The following DISC1 variants were observed in gnomAD, a reference collection of about 807,000 sequenced individuals.
DISC1 encodes DISC1 scaffold protein.
DISC1 carries 57 observed loss-of-function variants against 84.5 expected under a neutral mutation model. That is an observed-to-expected ratio of 0.67 (90% confidence interval 0.55 to 0.84). The LOEUF is 0.84. DISC1 is among the 40% of genes least tolerant of loss of function. The pLI is 0.00. For missense variants in DISC1, 1,000 were observed against 1,057.8 expected (o/e 0.95, Z 0.76); for synonymous variants, 411 against 415.2 (o/e 0.99, Z 0.12).
chr1:231,896,452 AAAAG>A (rs1399096384), intron 9 of DISC1, among the ~76,000 whole-genome samples: 1 of 152,208 alleles, frequency 6.6e-6, no homozygotes, highest in Non-Finnish European at 1.5e-5. Flanking sequence ...ACACTTTTGA[AAAAG>A]AAACATATCA....
chr1:231,716,923 A>G (rs924547834), intron 3 of DISC1, among the ~76,000 whole-genome samples: 5 of 152,222 alleles, frequency 3.3e-5, no homozygotes, highest in Non-Finnish European at 1.5e-5. Flanking sequence ...TGGGCACTTA[A>G]TTAAATCTTG....
intron 9 of DISC1, among the ~76,000 whole-genome samples, chr1:231,832,655 T>G (rs568238599): frequency 0.01 from 1,494 of 148,466 alleles, 27 homozygotes; most frequent in African/African-American, 0.035. Flanking sequence ...GAGGCTGGGA[T>G]GAAGGGTGCA....
At chr1:231,811,526 C>A (rs527378408) in intron 8 of DISC1, among the ~76,000 whole-genome samples, 16 of 152,162 alleles carry the variant, frequency 1.1e-4, no homozygotes, top group African/African-American at 3.9e-4. Flanking sequence ...GGCTTTATTT[C>A]TTTTTTTCCA....
chr1:231,864,269 A>G (rs1225611900), intron 9 of DISC1, among the ~76,000 whole-genome samples: 1 of 152,154 alleles, frequency 6.6e-6, no homozygotes, highest in Non-Finnish European at 1.5e-5. Flanking sequence ...AGGCTTCCCT[A>G]TATGTCGTCT....
chr1:231,735,888 C>G lies in DISC1; in HGVS notation c.1118-14038C>G, dbSNP rs576467570. 7.2e-5 allele frequency among the ~76,000 whole-genome samples: 11 copies of G among 152,308 alleles called. No individual in the cohort carries two copies. The South Asian group carries it at 2.3e-3, about 32-fold the overall frequency. On this transcript the variant is annotated intron_variant, in intron 3 of 12. Coordinates refer to ENST00000439617, the MANE Select transcript of DISC1 (RefSeq NM_018662.3). ...AGTGCAGTGATGTGATATCGGCTCA[C>G]TGCAACCTCTGCCTCCTGGGCTCAA...
intron 9 of DISC1, among the ~76,000 whole-genome samples, chr1:231,948,490 GA>G (rs1478536490): frequency 2.6e-5 from 4 of 152,074 alleles, no homozygotes; most frequent in African/African-American, 4.8e-5. Context: ...AGCTTTTGGA[GA>G]AATATCTGAT....
chr1:231,800,103 C>T lies in DISC1; in HGVS notation c.1690-5C>T, dbSNP rs769961798. ...GATGATTCCTGGTCATTTCTCTCCC[C>T]CTAGGTGTGTATGAGTGAGAAATTC... On this transcript the variant is annotated splice_polypyrimidine_tract_variant and splice_region_variant and intron_variant, in intron 7 of 12. Transcript: ENST00000439617. 3.3e-5 allele frequency: 53 copies of T among 1,604,146 alleles called. No homozygotes were observed. The highest frequency in any genetic ancestry group is 4.3e-5 in the Non-Finnish European group (50 of 1,173,628).
chr1:231,906,843 T>A (rs1274090203), intron 9 of DISC1, among the ~76,000 whole-genome samples: 1 of 151,830 alleles, frequency 6.6e-6, no homozygotes, highest in Non-Finnish European at 1.5e-5. Flanking sequence ...AAAAAAAAAA[T>A]TAAGGGGCTT....
intron 9 of DISC1, among the ~76,000 whole-genome samples, chr1:231,856,631 C>T (rs942863511): frequency 7.9e-5 from 12 of 152,200 alleles, no homozygotes; most frequent in African/African-American, 2.9e-4. Flanking sequence ...GCCCAGGGAG[C>T]TTGCCTGCCC....
chr1:231,853,949 C>A (rs1281335267), intron 9 of DISC1, among the ~76,000 whole-genome samples: 1 of 152,186 alleles, frequency 6.6e-6, no homozygotes, highest in Non-Finnish European at 1.5e-5. Flanking sequence ...GCTAAACTGA[C>A]AATAATAATC....
At chr1:231,886,267 T>C (rs201606855) in intron 9 of DISC1, among the ~76,000 whole-genome samples, 3 of 152,234 alleles carry the variant, frequency 2.0e-5, no homozygotes, top group Non-Finnish European at 4.4e-5. Context: ...CAATGAGTAA[T>C]ATCCGCATAG....
At chr1:231,742,592 A>G (rs931237376) in intron 3 of DISC1, among the ~76,000 whole-genome samples, 2 of 152,100 alleles carry the variant, frequency 1.3e-5, no homozygotes, top group Admixed American at 1.3e-4. Context: ...GGACAACATG[A>G]CAAAACCCCA....
In DISC1 at chr1:231,698,111, A is replaced by G. The variant is rs534292576; in HGVS notation, c.1047+3306A>G. Among the ~76,000 whole-genome samples the G allele has an allele frequency of 1.3e-5, 2 of 152,166 alleles. No individual in the cohort carries two copies. Among genetic ancestry groups the G allele is most frequent in the Non-Finnish European group, 2.9e-5 (2 of 68,030 alleles). ...CTTATGGATCAATAATACATATTAA[A>G]TAAGATGTTTTTAAACAGAAACACA... On this transcript the variant is annotated intron_variant, in intron 2 of 12. Coordinates refer to ENST00000439617, the MANE Select transcript of DISC1 (RefSeq NM_018662.3). The surrounding 1 kb of genome is among the most constrained non-coding windows in gnomAD (Gnocchi z 4.9).
At chr1:231,686,572 A>T (rs902383373) in intron 1 of DISC1, among the ~76,000 whole-genome samples, 1 of 152,072 alleles carries the variant, frequency 6.6e-6, no homozygotes, top group Non-Finnish European at 1.5e-5. Context: ...CCGGCCCACA[A>T]AACCTTTTTT....
intron 9 of DISC1, among the ~76,000 whole-genome samples, chr1:231,941,207 G>T (rs2091319694): frequency 6.6e-6 from 1 of 152,164 alleles, no homozygotes; most frequent in African/African-American, 2.4e-5. Context: ...CTTCTTGCAG[G>T]CAGGAGGTGC....
intron 10 of DISC1, among the ~76,000 whole-genome samples, chr1:231,999,044 CT>C (rs1558821924): frequency 2.0e-5 from 3 of 151,742 alleles, no homozygotes; most frequent in African/African-American, 7.3e-5. Flanking sequence ...ACAAAGGAAA[CT>C]ACCAGAAGAC....
At chr1:231,631,163 G>T (rs1046271996) in intron 1 of DISC1, among the ~76,000 whole-genome samples, 2 of 152,204 alleles carry the variant, frequency 1.3e-5, no homozygotes, top group Non-Finnish European at 2.9e-5. Context: ...AACTCCTTGT[G>T]TTCTGGCAGG....
At chr1:231,777,906 C>T (rs1450931960) in intron 6 of DISC1, among the ~76,000 whole-genome samples, 5 of 152,320 alleles carry the variant, frequency 3.3e-5, no homozygotes, top group Admixed American at 6.5e-5. Flanking sequence ...GCCGTAAAAG[C>T]AGTGCCCTCA....
chr1:231,722,422 A>G, intron 3 of DISC1: 2 of 1,518,596 alleles, frequency 1.3e-6, no homozygotes, highest in Admixed American at 1.9e-5. Flanking sequence ...CTACTTATCC[A>G]CACTCGAACA....
Sources: allele counts gnomAD v4.1 joint callset (sites outside exome capture counted in the v4.1 genomes callset), GRCh38; gene constraint gnomAD v4.1.1; non-coding constraint Gnocchi (gnomAD v3.1); transcripts MANE v1.5; gene names NCBI Gene and HGNC (gene_info 2026-07-23, HGNC 2026-07-21).